PALLD: variants seen among roughly 807,000 people sequenced by gnomAD.
The protein encoded by PALLD is palladin, cytoskeletal associated protein.
Under a neutral mutation model 123.5 loss-of-function variants are expected in PALLD, and 61 were observed. The ratio of observed to expected loss-of-function variants is 0.49; its 90% CI spans 0.40 to 0.61. The LOEUF is 0.61. Among genes scored for constraint, PALLD ranks in the 20% least tolerant of loss-of-function variants. PALLD has a pLI of 0.00. For synonymous variants in PALLD, 465 were observed against 496.4 expected, an observed-to-expected ratio of 0.94 and a Z score of 0.84; for missense variants, 1,273 against 1,377.0, an observed-to-expected ratio of 0.92 and a Z score of 1.20.
chr4:168,654,526 A>G (rs972108436), intron 2 of PALLD, among the ~76,000 whole-genome samples: 3 of 152,250 alleles, frequency 2.0e-5, no homozygotes, highest in Admixed American at 1.3e-4. Context: ...TCAAGTGATA[A>G]CATTAGTTTT....
intron 2 of PALLD, among the ~76,000 whole-genome samples, chr4:168,608,980 G>A (rs757291181): frequency 3.3e-5 from 5 of 150,832 alleles, no homozygotes; most frequent in Non-Finnish European, 5.9e-5. Flanking sequence ...CACACACCCC[G>A]CTTCCTTCCT....
rs1004758218 is a variant in PALLD at position 168,869,436 on chromosome 4, A to C, written c.1965-21486A>C. ...TGTTACTAGGGAGAGCTTCAAGAAGAAATGGGCATTGAAATGGGCACAGAA... is the reference window on the plus strand; with the variant it reads ...TGTTACTAGGGAGAGCTTCAAGAAGCAATGGGCATTGAAATGGGCACAGAA... On this transcript the variant is annotated intron_variant, in intron 10 of 21. Coordinates refer to ENST00000505667, the MANE Select transcript of PALLD (RefSeq NM_001166108.2). This position sits in a 1 kb window ranked among gnomAD's most constrained non-coding sequence, Gnocchi z 4.5. Among the ~76,000 whole-genome samples the C allele has an allele frequency of 8.5e-5, 13 of 152,260 alleles. No individual in the cohort carries two copies. The East Asian group carries it at 2.3e-3, about 27-fold the overall frequency.
chr4:168,683,962 C>G (rs936569327), intron 5 of PALLD, among the ~76,000 whole-genome samples: 1 of 152,150 alleles, frequency 6.6e-6, no homozygotes, highest in African/African-American at 2.4e-5. Context: ...AAACTTGAAT[C>G]AACAAGTATC....
rs1006628218 is a variant in PALLD, at chr4:168,556,208, G to A, written c.908+43796G>A. 3.7e-4 allele frequency among the ~76,000 whole-genome samples: 56 copies of A among 152,002 alleles called. 2 individuals are homozygous for A. The South Asian group carries it at 7.3e-3, about 20-fold the overall frequency. On this transcript the variant is annotated intron_variant, in intron 2 of 21. Coordinates refer to ENST00000505667, the MANE Select transcript of PALLD (RefSeq NM_001166108.2). Reference sequence around the variant, plus strand: ...CCCCCCGGGTTCACGCCATTCTCCTGCCTCGGCCTCCAGAGTAGCTGGGAC... The same window carrying A: ...CCCCCCGGGTTCACGCCATTCTCCTACCTCGGCCTCCAGAGTAGCTGGGAC...
intron 17 of PALLD, among the ~76,000 whole-genome samples, chr4:168,917,049 G>GGTTTT (rs1491537610): frequency 8.0e-6 from 1 of 124,872 alleles, no homozygotes; most frequent in Non-Finnish European, 1.7e-5. Flanking sequence ...TTTTTTTGGG[G>GGTTTT]TTTTTTTTTT....
chr4:168,558,699 C>T (rs528771230), intron 2 of PALLD, among the ~76,000 whole-genome samples: 4 of 152,166 alleles, frequency 2.6e-5, no homozygotes, highest in Non-Finnish European at 5.9e-5. Flanking sequence ...CACCACCATG[C>T]TTGTGCTTCC....
chr4:168,870,996 TGAGTAAA>T (rs1456269529), intron 10 of PALLD, among the ~76,000 whole-genome samples: 1 of 152,170 alleles, frequency 6.6e-6, no homozygotes, highest in African/African-American at 2.4e-5. Flanking sequence ...GGCTTCCCTG[TGAGTAAA>T]GAGGAAGATA....
intron 10 of PALLD, among the ~76,000 whole-genome samples, chr4:168,874,649 A>ATT (rs5863964): frequency 0.021 from 3,145 of 150,024 alleles, 56 homozygotes; most frequent in South Asian, 0.078. Context: ...ATAGCCACAG[A>ATT]TTTTTTTTTT....
At chr4:168,873,398 T>C (rs1751336828) in intron 10 of PALLD, among the ~76,000 whole-genome samples, 1 of 152,174 alleles carries the variant, frequency 6.6e-6, no homozygotes. Flanking sequence ...CAACAGCATA[T>C]TTATTCATAG....
At chr4:168,673,207 G>A (rs72699832) in intron 3 of PALLD, among the ~76,000 whole-genome samples, 18,727 of 152,176 alleles carry the variant, frequency 0.12, 1,354 homozygotes, top group African/African-American at 0.18. Flanking sequence ...CTCCAGAAGG[G>A]GGGCAGAGTA....
intron 10 of PALLD, among the ~76,000 whole-genome samples, chr4:168,715,617 A>G (rs1388534942): frequency 6.6e-6 from 1 of 152,192 alleles, no homozygotes; most frequent in East Asian, 1.9e-4. Flanking sequence ...GGTAGGGCTC[A>G]CTGTGAAAAA....
intron 2 of PALLD, among the ~76,000 whole-genome samples, chr4:168,626,421 A>AAAAAAAG (rs1561319309): frequency 2.2e-5 from 3 of 139,394 alleles, no homozygotes; most frequent in Non-Finnish European, 4.5e-5. Flanking sequence ...AAAAAAAAAA[A>AAAAAAAG]GGTGGTGACT....
intron 10 of PALLD, among the ~76,000 whole-genome samples, chr4:168,867,038 G>T (rs1750389556): frequency 6.6e-6 from 1 of 152,154 alleles, no homozygotes; most frequent in Admixed American, 6.5e-5. Flanking sequence ...TAACGTCATG[G>T]TCATGAGCCA....
chr4:168,521,748 A>G (rs185676287), intron 2 of PALLD, among the ~76,000 whole-genome samples: 2 of 152,350 alleles, frequency 1.3e-5, no homozygotes, highest in Admixed American at 1.3e-4. Flanking sequence ...CAGAAATACA[A>G]TACATCTTGA....
intron 14 of PALLD, 100 bp from the exon 15 acceptor site, chr4:168,903,657 T>C: frequency 3.1e-6 from 3 of 966,268 alleles, no homozygotes; most frequent in Middle Eastern, 6.2e-4. Flanking sequence ...ACATGAAAAC[T>C]CAGATCAGCT....
chr4:168,800,218 CA>C (rs2150674072), intron 10 of PALLD, among the ~76,000 whole-genome samples: 1 of 152,096 alleles, frequency 6.6e-6, no homozygotes, highest in South Asian at 2.1e-4. Flanking sequence ...GTGGATTAAA[CA>C]AGGCATAAAA....
chr4:168,624,097 T>G (rs771992916), intron 2 of PALLD, among the ~76,000 whole-genome samples: 5 of 152,104 alleles, frequency 3.3e-5, no homozygotes, highest in Admixed American at 6.5e-5. Context: ...GATAGAAACA[T>G]TACAAATAAT....
At chr4:168,913,066 A>C (rs1267061195) in intron 15 of PALLD, among the ~76,000 whole-genome samples, 4 of 151,816 alleles carry the variant, frequency 2.6e-5, no homozygotes, top group Non-Finnish European at 5.9e-5. Flanking sequence ...CATCCCACGC[A>C]TACTTCTTAC....
intron 3 of PALLD, chr4:168,678,046 A>G (rs1375321482): frequency 6.6e-6 from 1 of 152,280 alleles, no homozygotes; most frequent in Non-Finnish European, 1.5e-5. Flanking sequence ...AGAAGCCTGG[A>G]AGGTGTGTAT....
Sources: gnomAD v4.1 joint callset for allele counts (sites outside exome capture counted in the v4.1 genomes callset) on GRCh38, gnomAD v4.1.1 for gene constraint, Gnocchi (gnomAD v3.1) non-coding constraint, MANE v1.5 for transcripts, NCBI Gene and HGNC (gene_info 2026-07-23, HGNC 2026-07-21) for gene names.